HIP1: variants seen among roughly 807,000 people sequenced by gnomAD.
The protein encoded by HIP1 is huntingtin-interacting protein 1.
In HIP1, 65 loss-of-function variants were observed where a neutral mutation model predicts 147.6. That is an observed-to-expected ratio of 0.44 (90% CI 0.36 to 0.54). HIP1 has a LOEUF of 0.54. HIP1 is among the 20% of genes least tolerant of loss of function. The pLI is 0.00. For synonymous variants in HIP1, 479 were observed against 504.0 expected (o/e 0.95, Z 0.67); for missense variants, 1,061 against 1,299.6 (o/e 0.82, Z 2.82).
chr7:75,616,085 C>CAAAA (rs71098042), intron 1 of HIP1, among the ~76,000 whole-genome samples: 3,324 of 35,170 alleles, frequency 0.095, 418 homozygotes, highest in African/African-American at 0.17. Context: ...GACTCTGTCT[C>CAAAA]AAAAAAAAAA....
chr7:75,680,035 T>A (rs1800012249), intron 1 of HIP1, among the ~76,000 whole-genome samples: 1 of 152,140 alleles, frequency 6.6e-6, no homozygotes, highest in African/African-American at 2.4e-5. Context: ...CTTTTATTGA[T>A]TGATTGATTC....
rs192033280 is a variant in HIP1 at position 75,555,411 on chromosome 7, T to C, written c.1963+5A>G. ...CCCCTGCCAGCTGGGCAATTGCAAG[T>C]GTACCTGCAGACCCAGCGCAGCTGA... On this transcript the variant is annotated splice_donor_5th_base_variant and intron_variant, in intron 19 of 30. Transcript: ENST00000336926. The C allele has an allele frequency of 1.2e-6, 2 of 1,613,284 alleles. No individual in the cohort carries two copies. The highest frequency in any genetic ancestry group is 2.2e-5 in the East Asian group (1 of 44,870).
intron 2 of HIP1, among the ~76,000 whole-genome samples, chr7:75,594,589 C>A (rs899717830): frequency 2.3e-4 from 35 of 151,956 alleles, no homozygotes; most frequent in Admixed American, 1.7e-3. Context: ...GCCTGGCCAA[C>A]ATGGTGAAAC....
At chr7:75,704,350 T>C (rs1800926538) in intron 1 of HIP1, among the ~76,000 whole-genome samples, 1 of 151,784 alleles carries the variant, frequency 6.6e-6, no homozygotes, top group South Asian at 2.1e-4. Flanking sequence ...GTTCAAGCGA[T>C]TCTCCTGCCT....
Position 75,592,453 on chromosome 7 carries a change from G to A in HIP1, c.246C>T (p.Arg82=). The A allele has an allele frequency of 6.2e-7, 1 of 1,612,676 alleles. No individual in the cohort carries two copies. The highest frequency in any genetic ancestry group is 1.7e-5 in the Admixed American group (1 of 59,144). ...GAQTFWSVVN[R]LPLSSNAVLC... ...GCACTGCGTTGCTAGACAGAGGCAG[G>A]CGGTTGACAACAGACCAGAAGGTCT... The change falls in exon 3 of 31, where the codon CGC becomes CGT. Residue 82 remains arginine (R), a synonymous_variant. Coordinates refer to ENST00000336926, the MANE Select transcript of HIP1 (RefSeq NM_005338.7).
At chr7:75,565,846 C>CCGAAGATAACCTCACGCCCACAAGTAT (rs1563206893) in intron 9 of HIP1, among the ~76,000 whole-genome samples, 6 of 151,470 alleles carry the variant, frequency 4.0e-5, no homozygotes, top group African/African-American at 1.2e-4. Context: ...ATTCTCCTGC[C>CCGAAGATAACCTCACGCCCACAAGTAT]TCAGCCTCCT....
At chr7:75,559,165 G>A (rs782267087) in intron 14 of HIP1, among the ~76,000 whole-genome samples, 15 of 152,284 alleles carry the variant, frequency 9.9e-5, no homozygotes, top group East Asian at 3.9e-4. Context: ...TGCAGAGGCC[G>A]GAGTGCAGTG....
chr7:75,639,027 G>C (rs1397687541), intron 1 of HIP1: 18 of 968,912 alleles, frequency 1.9e-5, no homozygotes, highest in Non-Finnish European at 2.1e-5. Flanking sequence ...GGGGGCTCGG[G>C]GCAAAGCCCC....
chr7:75,662,144 G>T (rs1006051410), intron 1 of HIP1, among the ~76,000 whole-genome samples: 9 of 151,852 alleles, frequency 5.9e-5, no homozygotes, highest in African/African-American at 1.5e-4. Flanking sequence ...AATCAGAGAT[G>T]ATGAGGAGGC....
intron 4 of HIP1, among the ~76,000 whole-genome samples, chr7:75,591,344 T>C (rs1247764731): frequency 2.0e-5 from 3 of 152,022 alleles, no homozygotes; most frequent in Admixed American, 2.0e-4. Flanking sequence ...AGAGAGATTC[T>C]TCAAAATGCA....
At chr7:75,540,210 C>T (rs1483509393) in intron 29 of HIP1, among the ~76,000 whole-genome samples, 1 of 151,942 alleles carries the variant, frequency 6.6e-6, no homozygotes, top group African/African-American at 2.4e-5. Flanking sequence ...GGTGGATCAC[C>T]TGGGGTCAGG....
intron 5 of HIP1, among the ~76,000 whole-genome samples, chr7:75,582,808 C>A (rs1437339405): frequency 6.6e-6 from 1 of 151,870 alleles, no homozygotes; most frequent in Non-Finnish European, 1.5e-5. Context: ...CCGTCTCCCC[C>A]ACCGCAAAAA....
At chr7:75,634,777 A>G (rs79793716) in intron 1 of HIP1, among the ~76,000 whole-genome samples, 1,646 of 151,990 alleles carry the variant, frequency 0.011, 27 homozygotes, top group African/African-American at 0.037. Context: ...GTAAATAAAT[A>G]AATAAAATAA....
chr7:75,609,427 A>G (rs1797343259), intron 1 of HIP1, among the ~76,000 whole-genome samples: 1 of 152,030 alleles, frequency 6.6e-6, no homozygotes, highest in African/African-American at 2.4e-5. Flanking sequence ...CCAGTTTCCC[A>G]TGGCTCACTA....
At chr7:75,603,884 G>GAA (rs374940414) in intron 1 of HIP1, among the ~76,000 whole-genome samples, 1 of 143,716 alleles carries the variant, frequency 7.0e-6, no homozygotes, top group African/African-American at 2.5e-5. Flanking sequence ...CAAAAAAAAG[G>GAA]AAAAAAAAAA....
At chr7:75,615,914 C>T (rs374060466) in intron 1 of HIP1, among the ~76,000 whole-genome samples, 39 of 151,754 alleles carry the variant, frequency 2.6e-4, no homozygotes, top group African/African-American at 8.7e-4. Flanking sequence ...GATGAAACCT[C>T]GTCTCTACTA....
intron 11 of HIP1, 50 bp from the exon 12 acceptor site, chr7:75,562,220 C>T (rs782111949): frequency 3.3e-6 from 4 of 1,213,692 alleles, no homozygotes; most frequent in Middle Eastern, 1.9e-4. Context: ...CCAGAGAATT[C>T]TGTGTGTGGG....
intron 4 of HIP1, 101 bp downstream of exon 4, chr7:75,591,955 G>T: frequency 1.1e-6 from 1 of 952,218 alleles, no homozygotes; most frequent in Non-Finnish European, 1.7e-6. Context: ...TCCTCAACAA[G>T]CTGAAGGAGA....
At chr7:75,556,636 C>T (rs1007617219) in intron 17 of HIP1, 74 bp downstream of exon 17, 5 of 942,826 alleles carry the variant, frequency 5.3e-6, no homozygotes, top group Non-Finnish European at 8.5e-6. Context: ...CAGTGAGCTG[C>T]GATCGCACCA....
Sources: allele counts gnomAD v4.1 joint callset (sites outside exome capture counted in the v4.1 genomes callset), GRCh38; gene constraint gnomAD v4.1.1; transcripts MANE v1.5; gene names NCBI Gene and HGNC (gene_info 2026-07-23, HGNC 2026-07-21).